Variants in CSNK2A2IP observed in about 807,000 individuals in gnomAD.
CSNK2A2IP encodes the protein casein kinase II subunit alpha'-interacting protein.
At chr3:88,465,179 C>T in the CSNK2A2IP span, 1 of 401,498 alleles carries the variant, frequency 2.5e-6, no homozygotes, top group Non-Finnish European at 4.3e-6. Flanking sequence ...ATCTCATCTA[C>T]ACTTCAATTT....
chr3:88,420,215 G>A, the CSNK2A2IP span, among the ~76,000 whole-genome samples: 1 of 152,296 alleles, frequency 6.6e-6, no homozygotes, highest in East Asian at 1.9e-4. Context: ...CTTGAATTAG[G>A]AACTATCATA....
chr3:88,415,025 A>C, the CSNK2A2IP span, among the ~76,000 whole-genome samples: 6 of 152,132 alleles, frequency 3.9e-5, no homozygotes, highest in East Asian at 1.9e-4. Flanking sequence ...AAAAACCCAC[A>C]CACACACACA....
the CSNK2A2IP span, among the ~76,000 whole-genome samples, chr3:88,351,989 C>A: frequency 2.6e-5 from 4 of 152,072 alleles, no homozygotes; most frequent in Non-Finnish European, 5.9e-5. Flanking sequence ...TTGTTAATCT[C>A]CACAATACAA....
the CSNK2A2IP span, chr3:88,466,440 AC>A: frequency 8.1e-7 from 1 of 1,231,748 alleles, no homozygotes; most frequent in East Asian, 3.2e-5. Flanking sequence ...ATCTACCATC[AC>A]CCCATCCAAA....
At chr3:88,390,340 G>A in the CSNK2A2IP span, among the ~76,000 whole-genome samples, 2 of 152,270 alleles carry the variant, frequency 1.3e-5, no homozygotes, top group African/African-American at 4.8e-5. Flanking sequence ...AGATTTTAAA[G>A]ATAAAAGCTC....
At chr3:88,443,307 A>G in the CSNK2A2IP span, among the ~76,000 whole-genome samples, 1 of 152,188 alleles carries the variant, frequency 6.6e-6, no homozygotes, top group Admixed American at 6.5e-5. Context: ...AAAATTGTTG[A>G]CAGCAATTTT....
chr3:88,370,645 CTTCT>C, the CSNK2A2IP span, among the ~76,000 whole-genome samples: 2 of 146,854 alleles, frequency 1.4e-5, no homozygotes, highest in East Asian at 2.0e-4. Flanking sequence ...TTCTCTCTCT[CTTCT>C]TTCTTTCTTC....
chr3:88,365,211 C>G, the CSNK2A2IP span, among the ~76,000 whole-genome samples: 2 of 152,134 alleles, frequency 1.3e-5, no homozygotes, highest in Non-Finnish European at 2.9e-5. Flanking sequence ...GAAAGCAGAA[C>G]ATTACTGTTA....
the CSNK2A2IP span, among the ~76,000 whole-genome samples, chr3:88,360,996 A>T: frequency 8.5e-5 from 13 of 152,190 alleles, no homozygotes; most frequent in African/African-American, 3.1e-4. Flanking sequence ...TCTACAGTTT[A>T]AATCCATTCC....
At chr3:88,350,591 A>G in the CSNK2A2IP span, among the ~76,000 whole-genome samples, 1 of 50,766 alleles carries the variant, frequency 2.0e-5, no homozygotes, top group East Asian at 5.7e-4. Flanking sequence ...CACTAAATTC[A>G]AAGATGATGA....
At chr3:88,354,519 G>A in the CSNK2A2IP span, among the ~76,000 whole-genome samples, 3 of 152,138 alleles carry the variant, frequency 2.0e-5, no homozygotes, top group African/African-American at 7.2e-5. Flanking sequence ...TAGGCAAAAG[G>A]ATGGGTGAAT....
At chr3:88,453,788 A>C in the CSNK2A2IP span, among the ~76,000 whole-genome samples, 12 of 152,074 alleles carry the variant, frequency 7.9e-5, no homozygotes, top group Admixed American at 1.3e-4. Flanking sequence ...TTCTGAAATT[A>C]GTGGCAGGTA....
chr3:88,398,799 T>C, the CSNK2A2IP span, among the ~76,000 whole-genome samples: 1 of 152,206 alleles, frequency 6.6e-6, no homozygotes, highest in Non-Finnish European at 1.5e-5. Flanking sequence ...TCATTATTTG[T>C]AGCTGTTTTT....
At chr3:88,421,687 G>A in the CSNK2A2IP span, among the ~76,000 whole-genome samples, 2 of 152,054 alleles carry the variant, frequency 1.3e-5, no homozygotes, top group African/African-American at 4.8e-5. Flanking sequence ...AAAATGCTGG[G>A]ATTACAGGCA....
chr3:88,381,423 G>A, the CSNK2A2IP span, among the ~76,000 whole-genome samples: 5 of 152,282 alleles, frequency 3.3e-5, no homozygotes, highest in South Asian at 1.0e-3. Context: ...CTGTAGGAAC[G>A]GAATAGTATG....
the CSNK2A2IP span, among the ~76,000 whole-genome samples, chr3:88,462,198 G>T: frequency 6.7e-6 from 1 of 149,972 alleles, no homozygotes; most frequent in Non-Finnish European, 1.5e-5. Flanking sequence ...GATGTCTTTT[G>T]GTTATTGGGA....
chr3:88,358,411 G>A, the CSNK2A2IP span, among the ~76,000 whole-genome samples: 66,646 of 151,858 alleles, frequency 0.44, 15,863 homozygotes, highest in South Asian at 0.62. Flanking sequence ...GCCTTGTTCC[G>A]GATCTTAAAC....
chr3:88,447,796 A>G, the CSNK2A2IP span, among the ~76,000 whole-genome samples: 1 of 152,124 alleles, frequency 6.6e-6, no homozygotes, highest in Non-Finnish European at 1.5e-5. Flanking sequence ...TCATCAGAGT[A>G]CTTAAATTAT....
the CSNK2A2IP span, among the ~76,000 whole-genome samples, chr3:88,433,503 A>G: frequency 6.6e-6 from 1 of 152,074 alleles, no homozygotes; most frequent in African/African-American, 2.4e-5. Flanking sequence ...TGAGGTGTTT[A>G]GTTTTTCTAT....
Sources: gnomAD v4.1 joint callset for allele counts (sites outside exome capture counted in the v4.1 genomes callset) on GRCh38, gnomAD v4.1.1 for gene constraint, MANE v1.5 for transcripts, NCBI Gene and HGNC (gene_info 2026-07-23, HGNC 2026-07-21) for gene names.